SRBD1: variants seen among roughly 807,000 people sequenced by gnomAD.
The protein encoded by SRBD1 is S1 RNA-binding domain-containing protein 1.
Under a neutral mutation model 115.3 loss-of-function variants are expected in SRBD1, and 88 were observed. The observed-to-expected ratio is 0.76, with a 90% CI of 0.64 to 0.91. The LOEUF is 0.91. Among genes scored for constraint, SRBD1 ranks in the 40% least tolerant of loss-of-function variants. The pLI, the probability that SRBD1 is intolerant of heterozygous loss-of-function variation, is 0.00. For synonymous variants in SRBD1, 509 were observed against 407.7 expected, an observed-to-expected ratio of 1.25 and a Z score of -2.99; for missense variants, 1,385 against 1,177.4, an observed-to-expected ratio of 1.18 and a Z score of -2.58.
intron 6 of SRBD1, among the ~76,000 whole-genome samples, chr2:45,580,253 T>C (rs971196674): frequency 6.6e-6 from 1 of 152,218 alleles, no homozygotes; most frequent in Non-Finnish European, 1.5e-5. Context: ...GTTTCACTCA[T>C]CTTAAAAACT....
intron 4 of SRBD1, among the ~76,000 whole-genome samples, chr2:45,598,767 C>A (rs906664376): frequency 7.2e-5 from 11 of 151,992 alleles, no homozygotes; most frequent in Non-Finnish European, 2.9e-5. Context: ...AAAGAGTACA[C>A]AATAGAATCA....
intron 10 of SRBD1, among the ~76,000 whole-genome samples, chr2:45,555,171 T>C (rs1233153437): frequency 6.6e-6 from 1 of 152,110 alleles, no homozygotes; most frequent in Non-Finnish European, 1.5e-5. Flanking sequence ...AGTGGGAGGA[T>C]CACTTGGAGT....
At position 45,585,625 on chromosome 2, in the gene SRBD1, T is replaced by C. The variant is rs1234306211; in HGVS notation, c.798A>G (p.Gln266=). The stretch of plus-strand genomic sequence containing the variant: ...TTTCTTACCGTAGCTCTTCTAGGGT[T>C]TGCTGAACTTCTCTCAAGGAATCAG... The part of the protein sequence containing the change: ...LDADSLREVQ[Q]TLEELRAVAK... The change falls in exon 5 of 21, where the codon CAA becomes CAG. Residue 266 remains glutamine, a synonymous_variant. Coordinates refer to ENST00000263736, the MANE Select transcript of SRBD1 (RefSeq NM_018079.5). 1.2e-6 allele frequency: 2 copies of C among 1,611,398 alleles called. No individual in the cohort carries two copies.
intron 14 of SRBD1, among the ~76,000 whole-genome samples, chr2:45,525,030 A>G (rs1163793577): frequency 6.6e-6 from 1 of 152,034 alleles, no homozygotes; most frequent in East Asian, 1.9e-4. Context: ...AAGATCATTC[A>G]ATGGGTAAAG....
chr2:45,393,227 A>G (rs1157887567), intron 19 of SRBD1, 98 bp from the exon 20 acceptor site: 1 of 1,219,244 alleles, frequency 8.2e-7, no homozygotes, highest in Non-Finnish European at 1.1e-6. Context: ...TCTTAGACCC[A>G]TAGGTCAATC....
intron 15 of SRBD1, among the ~76,000 whole-genome samples, chr2:45,485,136 G>A (rs1399023166): frequency 6.6e-6 from 1 of 152,082 alleles, no homozygotes; most frequent in Non-Finnish European, 1.5e-5. Flanking sequence ...ATTTGGTCTC[G>A]TTGCTTTTTA....
chr2:45,474,850 A>C (rs575230645), intron 16 of SRBD1, among the ~76,000 whole-genome samples: 2 of 152,188 alleles, frequency 1.3e-5, no homozygotes, highest in Non-Finnish European at 2.9e-5. Context: ...ATTCAAATAA[A>C]TATGTATTTA....
At chr2:45,565,265 G>C (rs747936452) in intron 9 of SRBD1, among the ~76,000 whole-genome samples, 13 of 152,090 alleles carry the variant, frequency 8.5e-5, no homozygotes, top group Non-Finnish European at 1.6e-4. Flanking sequence ...CAAGACAGTG[G>C]GGACTGGCAT....
chr2:45,494,189 CTG>C (rs1670386789), intron 14 of SRBD1, among the ~76,000 whole-genome samples: 1 of 151,912 alleles, frequency 6.6e-6, no homozygotes, highest in African/African-American at 2.4e-5. Flanking sequence ...TAAGTTAAAA[CTG>C]GGTAAAGAAA....
At chr2:45,504,739 C>T (rs1670746085) in intron 14 of SRBD1, among the ~76,000 whole-genome samples, 1 of 152,046 alleles carries the variant, frequency 6.6e-6, no homozygotes, top group African/African-American at 2.4e-5. Context: ...ATTTAGATGG[C>T]TCGAGGGGGA....
chr2:45,466,114 C>A (rs1192352442), intron 16 of SRBD1, among the ~76,000 whole-genome samples: 1 of 152,128 alleles, frequency 6.6e-6, no homozygotes, highest in African/African-American at 2.4e-5. Context: ...ACACAGTAAG[C>A]AAATAAATAC....
intron 5 of SRBD1, among the ~76,000 whole-genome samples, chr2:45,582,413 T>C (rs72618608): frequency 1.3e-5 from 2 of 152,138 alleles, no homozygotes; most frequent in Non-Finnish European, 1.5e-5. Context: ...TAATTAACTT[T>C]GATCATTTGA....
intron 16 of SRBD1, among the ~76,000 whole-genome samples, chr2:45,455,767 AT>A (rs112773860): frequency 7.2e-5 from 11 of 151,792 alleles, no homozygotes; most frequent in African/African-American, 2.7e-4. Context: ...AAAATAAAAA[AT>A]AAAAAAATAA....
chr2:45,483,969 T>A (rs1032135772), intron 15 of SRBD1, among the ~76,000 whole-genome samples: 2 of 152,122 alleles, frequency 1.3e-5, no homozygotes, highest in Admixed American at 6.6e-5. Flanking sequence ...TATAAACTTT[T>A]CAAAATTCAT....
At chr2:45,448,987 C>T (rs1057239170) in intron 16 of SRBD1, among the ~76,000 whole-genome samples, 2 of 152,160 alleles carry the variant, frequency 1.3e-5, no homozygotes, top group African/African-American at 4.8e-5. Flanking sequence ...TTCTGTAATA[C>T]AAATGTGAAC....
chr2:45,578,845 G>A (rs1673257788), intron 7 of SRBD1, among the ~76,000 whole-genome samples: 1 of 152,088 alleles, frequency 6.6e-6, no homozygotes, highest in Admixed American at 6.6e-5. Context: ...GATTTTAGGT[G>A]CTCTTAACAC....
At chr2:45,547,868 G>A (rs1490341597) in intron 12 of SRBD1, among the ~76,000 whole-genome samples, 4 of 152,016 alleles carry the variant, frequency 2.6e-5, no homozygotes, top group Admixed American at 6.6e-5. Context: ...AAAGAAAAAT[G>A]GTTTTCACTA....
At chr2:45,407,474 G>C (rs1241560654) in intron 19 of SRBD1, among the ~76,000 whole-genome samples, 1 of 152,112 alleles carries the variant, frequency 6.6e-6, no homozygotes, top group Non-Finnish European at 1.5e-5. Flanking sequence ...CAGCACTACT[G>C]TGATACCTGT....
intron 16 of SRBD1, among the ~76,000 whole-genome samples, chr2:45,445,412 TG>T (rs138393262): frequency 0.11 from 17,281 of 151,502 alleles, 1,327 homozygotes; most frequent in Non-Finnish European, 0.17. Context: ...AATGAAATCT[TG>T]GGGGGAGTCA....
Sources: gnomAD v4.1 joint callset for allele counts (sites outside exome capture counted in the v4.1 genomes callset) on GRCh38, gnomAD v4.1.1 for gene constraint, MANE v1.5 for transcripts, NCBI Gene and HGNC (gene_info 2026-07-23, HGNC 2026-07-21) for gene names.